TMEM51: variants seen among roughly 807,000 people sequenced by gnomAD.
The protein encoded by TMEM51 is transmembrane protein 51.
A neutral mutation model predicts 13.6 loss-of-function variants in TMEM51; 8 were observed. That is an observed-to-expected ratio of 0.59 (90% CI 0.35 to 1.07). The LOEUF (loss-of-function observed/expected upper bound fraction) is 1.07, where lower values mean the gene tolerates loss of function less well. Ranked by LOEUF, TMEM51 falls within the 50% of genes least tolerant of loss-of-function variation. The pLI, the probability that TMEM51 is intolerant of heterozygous loss-of-function variation, is 0.02. For missense variants in TMEM51, 279 were observed against 330.7 expected (o/e 0.84, Z 1.21); for synonymous variants, 147 against 144.4 (o/e 1.02, Z -0.13).
intron 1 of TMEM51, among the ~76,000 whole-genome samples, chr1:15,164,007 T>C (rs1465246828): frequency 1.3e-5 from 2 of 151,852 alleles, no homozygotes; most frequent in Admixed American, 1.3e-4. Flanking sequence ...TTTTTGTATT[T>C]TTAGTAGAGA....
intron 1 of TMEM51, among the ~76,000 whole-genome samples, chr1:15,165,814 C>A (rs370927271): frequency 6.6e-6 from 1 of 152,004 alleles, no homozygotes; most frequent in Non-Finnish European, 1.5e-5. Context: ...ACTGATGATA[C>A]GAAAGATTGT....
chr1:15,191,071 GC>G (rs2100271741), intron 1 of TMEM51, among the ~76,000 whole-genome samples: 1 of 152,354 alleles, frequency 6.6e-6, no homozygotes, highest in East Asian at 1.9e-4. Flanking sequence ...ACAGGCGTGA[GC>G]CACTGCTCCC....
intron 1 of TMEM51, among the ~76,000 whole-genome samples, chr1:15,166,783 C>T (rs1426896162): frequency 2.0e-5 from 3 of 152,048 alleles, no homozygotes; most frequent in African/African-American, 7.2e-5. Context: ...TGTAATTTTC[C>T]ATTTGAACAC....
chr1:15,209,158 C>T (rs1405427748), intron 1 of TMEM51, among the ~76,000 whole-genome samples: 1 of 152,000 alleles, frequency 6.6e-6, no homozygotes, highest in East Asian at 1.9e-4. Context: ...CAGGCTTTAC[C>T]TCCTAGGCTC....
At chr1:15,190,327 A>G (rs964288670) in intron 1 of TMEM51, among the ~76,000 whole-genome samples, 5 of 152,212 alleles carry the variant, frequency 3.3e-5, no homozygotes, top group Non-Finnish European at 5.9e-5. Flanking sequence ...GCTCAGAGGA[A>G]GCATTCAGTG....
At chr1:15,168,787 A>C (rs1345004504) in intron 1 of TMEM51, 2 of 1,298,818 alleles carry the variant, frequency 1.5e-6, no homozygotes, top group Non-Finnish European at 2.0e-6. Context: ...GCTGAAAAAT[A>C]TTCAAGAAGA....
At chr1:15,160,184 CT>C (rs1642727917) in intron 1 of TMEM51, among the ~76,000 whole-genome samples, 3 of 152,176 alleles carry the variant, frequency 2.0e-5, no homozygotes, top group Non-Finnish European at 1.5e-5. Flanking sequence ...CTTATCCTAC[CT>C]TTTCCTGGAA....
intron 2 of TMEM51, among the ~76,000 whole-genome samples, chr1:15,213,581 G>C (rs1340539493): frequency 6.6e-6 from 1 of 152,174 alleles, no homozygotes; most frequent in African/African-American, 2.4e-5. Context: ...CTAAAGCCTT[G>C]AGTGACTGCT....
chr1:15,219,564 G>C lies in TMEM51; in HGVS notation c.583G>C (p.Ala195Pro), dbSNP rs149266693. The C allele has an allele frequency of 3.7e-6, 6 of 1,614,054 alleles. No individual in the cohort carries two copies. In the East Asian group the frequency reaches 1.1e-4, roughly 30 times the overall value. The change falls in exon 4 of 4, where the codon GCC (alanine) becomes CCC (proline). Residue 195 changes from alanine to proline, a missense_variant. Coordinates refer to ENST00000376008, the MANE Select transcript of TMEM51 (RefSeq NM_001136218.2). ...CCCTGACAGGCAGAACTCTAAGTTG[G>C]CCAAACGACTGAAACCGCTGAAAGT... is the stretch of plus-strand genomic sequence containing the variant. The part of the protein sequence containing the change: ...NPPDRQNSKL[A>P]KRLKPLKVRR...
At chr1:15,170,414 T>C (rs1311295797) in intron 1 of TMEM51, among the ~76,000 whole-genome samples, 1 of 151,284 alleles carries the variant, frequency 6.6e-6, no homozygotes, top group Non-Finnish European at 1.5e-5. Flanking sequence ...TTTCAAGCGA[T>C]TCTCCTGCCT....
rs182618155 is a variant in TMEM51 at position 15,214,578 on chromosome 1, C to A, written c.-193-317C>A. On this transcript the variant is annotated intron_variant, in intron 2 of 3. Transcript: ENST00000376008. ...TCCCAGCAGCCTCCAGCAAGAGCTA[C>A]GATTTTACTGCACTTCATTAAATTC... Among the ~76,000 whole-genome samples the A allele has an allele frequency of 7.4e-4, 112 of 152,334 alleles. 3 individuals carry two copies. In the East Asian group the frequency reaches 0.021, roughly 29 times the overall value.
intron 1 of TMEM51, among the ~76,000 whole-genome samples, chr1:15,159,670 C>T (rs1465829247): frequency 6.6e-6 from 1 of 152,188 alleles, no homozygotes; most frequent in East Asian, 1.9e-4. Flanking sequence ...GATTCTCCTA[C>T]CTCAGCCTCC....
chr1:15,177,208 A>G (rs1643479509), intron 1 of TMEM51, among the ~76,000 whole-genome samples: 1 of 152,202 alleles, frequency 6.6e-6, no homozygotes, highest in East Asian at 1.9e-4. Flanking sequence ...AATATTGGCA[A>G]TTACTCCATA....
chr1:15,155,824 T>C (rs1293271193), intron 1 of TMEM51, among the ~76,000 whole-genome samples: 1 of 152,170 alleles, frequency 6.6e-6, no homozygotes, highest in East Asian at 1.9e-4. Flanking sequence ...CTGTTCTAGG[T>C]GCTCAACAAA....
At chr1:15,182,178 A>AAAT (rs1255210697) in intron 1 of TMEM51, among the ~76,000 whole-genome samples, 2 of 102,396 alleles carry the variant, frequency 2.0e-5, no homozygotes, top group Non-Finnish European at 3.8e-5. Context: ...ATAAATAAAT[A>AAAT]AATAAATAAA....
chr1:15,155,558 A>C (rs4661581), intron 1 of TMEM51, among the ~76,000 whole-genome samples: 1 of 152,144 alleles, frequency 6.6e-6, no homozygotes, highest in Admixed American at 6.5e-5. Flanking sequence ...AAAGAGTATT[A>C]GAATATTCAT....
chr1:15,155,818 T>G (rs1458665740), intron 1 of TMEM51, among the ~76,000 whole-genome samples: 2 of 152,198 alleles, frequency 1.3e-5, no homozygotes. Flanking sequence ...CAGGCGCTGT[T>G]CTAGGTGCTC....
chr1:15,204,272 G>A lies in TMEM51; in HGVS notation c.-266-6218G>A, dbSNP rs76124362. On this transcript the variant is annotated intron_variant, in intron 1 of 3. Transcript: ENST00000376008. ...CTGAGCCTCCAAAGTTGTCCACCTAGGCTGGGTGAGGTGGCTCACGCCTGT... is the reference window on the plus strand; with the variant it reads ...CTGAGCCTCCAAAGTTGTCCACCTAAGCTGGGTGAGGTGGCTCACGCCTGT... Among the ~76,000 whole-genome samples, 611 of 152,344 alleles carry A rather than the reference G, an allele frequency of 4.0e-3. 6 individuals carry two copies. Among genetic ancestry groups the A allele is most frequent in the African/African-American group, 0.01 (418 of 41,598 alleles).
rs188870452 is a variant in TMEM51, at chr1:15,163,913, C to G, written c.-267+9959C>G. On this transcript the variant is annotated intron_variant, in intron 1 of 3. Transcript: ENST00000376008. ...GCGTGGTCTCGGCTCACAGCAACCT[C>G]CACCTCCTGGGGTCAAGTGATTCTC... Among the ~76,000 whole-genome samples the G allele has an allele frequency of 1.7e-3, 264 of 151,806 alleles. 2 individuals are homozygous for G. The highest frequency in any genetic ancestry group is 5.8e-3 in the Admixed American group (89 of 15,280).
Sources: allele counts gnomAD v4.1 joint callset (sites outside exome capture counted in the v4.1 genomes callset), GRCh38; gene constraint gnomAD v4.1.1; transcripts MANE v1.5; gene names NCBI Gene and HGNC (gene_info 2026-07-23, HGNC 2026-07-21).